PITPNM3: variants seen among roughly 807,000 people sequenced by gnomAD.
PITPNM3 encodes the protein PITPNM family member 3, also known as membrane-associated phosphatidylinositol transfer protein 3.
Under a neutral mutation model 102.0 loss-of-function variants are expected in PITPNM3, and 26 were observed. The ratio of observed to expected loss-of-function variants is 0.25; its 90% CI spans 0.19 to 0.35. The LOEUF is 0.35. PITPNM3 is among the 10% of genes least tolerant of loss of function. PITPNM3 has a pLI of 1.00. For missense variants in PITPNM3, 1,083 were observed against 1,346.1 expected (o/e 0.80, Z 3.06); for synonymous variants, 578 against 558.6 (o/e 1.03, Z -0.49).
intron 4 of PITPNM3, among the ~76,000 whole-genome samples, chr17:6,495,366 T>C (rs2150597100): frequency 6.6e-6 from 1 of 152,310 alleles, no homozygotes; most frequent in East Asian, 1.9e-4. Flanking sequence ...TTCCTGGCTT[T>C]TGTTTCCAAA....
intron 8 of PITPNM3, 59 bp from the exon 9 acceptor site, chr17:6,477,272 G>A (rs1905364032): frequency 1.9e-6 from 3 of 1,553,700 alleles, no homozygotes; most frequent in African/African-American, 1.4e-5. Context: ...AGACTCTGGG[G>A]CCTTGTCTCC....
At chr17:6,549,658 G>C (rs1910204543) in intron 1 of PITPNM3, among the ~76,000 whole-genome samples, 1 of 152,242 alleles carries the variant, frequency 6.6e-6, no homozygotes, top group East Asian at 1.9e-4. Flanking sequence ...GCAAAAGGGG[G>C]TGCAATTTAG....
chr17:6,459,254 C>T lies in PITPNM3; in HGVS notation c.2491-1532G>A, dbSNP rs577186817. 6.6e-6 allele frequency among the ~76,000 whole-genome samples: 1 copy of T among 152,262 alleles called. No homozygotes were observed. Among genetic ancestry groups the T allele is most frequent in the South Asian group, 2.1e-4 (1 of 4,822 alleles). On this transcript the variant is annotated intron_variant, in intron 18 of 19. Coordinates refer to ENST00000262483, the MANE Select transcript of PITPNM3 (RefSeq NM_031220.4). The surrounding 1 kb of genome is among the most constrained non-coding windows in gnomAD (Gnocchi z 5.0). Reference sequence around the variant, plus strand: ...TTTCCTCACAAGGTCATCTGGTGGCCAGTCTTTGTCTACTAGGCAGTTCTC... The same window carrying T: ...TTTCCTCACAAGGTCATCTGGTGGCTAGTCTTTGTCTACTAGGCAGTTCTC...
chr17:6,474,773 C>T (rs913469330), intron 9 of PITPNM3, among the ~76,000 whole-genome samples, 169 bp from the exon 10 acceptor site: 6 of 152,236 alleles, frequency 3.9e-5, no homozygotes, highest in Admixed American at 6.5e-5. Context: ...TCAGCACTGG[C>T]CACCAAGGCC....
In PITPNM3 at chr17:6,468,924, C is replaced by G. The variant is rs1011133129; in HGVS notation, c.1774-583G>C. 3.8e-4 allele frequency among the ~76,000 whole-genome samples: 58 copies of G among 152,136 alleles called. No individual in the cohort carries two copies. Among genetic ancestry groups the G allele is most frequent in the Non-Finnish European group, 7.6e-4 (52 of 68,018 alleles). ...TGCTGTCACCCCTTCCTCACCTGCC[C>G]CCTCTCCTCCACCCACTCCAGTCAG... On this transcript the variant is annotated intron_variant, in intron 13 of 19. Coordinates refer to ENST00000262483, the MANE Select transcript of PITPNM3 (RefSeq NM_031220.4). This position sits in a 1 kb window ranked among gnomAD's most constrained non-coding sequence, Gnocchi z 5.2.
intron 1 of PITPNM3, among the ~76,000 whole-genome samples, chr17:6,545,021 C>T (rs535088327): frequency 1.3e-5 from 2 of 152,280 alleles, no homozygotes; most frequent in Admixed American, 6.5e-5. Context: ...TGTCAAGCCC[C>T]GCCTCCTCCG....
chr17:6,539,433 G>A (rs1325365920), intron 1 of PITPNM3, among the ~76,000 whole-genome samples: 3 of 152,058 alleles, frequency 2.0e-5, no homozygotes, highest in South Asian at 2.1e-4. Flanking sequence ...TGACATAATT[G>A]TCTATGCAGA....
intron 2 of PITPNM3, among the ~76,000 whole-genome samples, chr17:6,529,932 A>G (rs906789446): frequency 1.7e-4 from 26 of 152,012 alleles, no homozygotes; most frequent in Admixed American, 1.7e-3. Context: ...CCCCTCCCCC[A>G]ATGGGGGAAA....
At chr17:6,511,846 G>C (rs1016425572) in intron 3 of PITPNM3, among the ~76,000 whole-genome samples, 4 of 152,118 alleles carry the variant, frequency 2.6e-5, no homozygotes, top group African/African-American at 7.2e-5. Context: ...TTAGCCATGG[G>C]GGGCAGGAGA....
intron 4 of PITPNM3, among the ~76,000 whole-genome samples, chr17:6,486,625 C>T (rs1160534971): frequency 6.6e-6 from 1 of 152,190 alleles, no homozygotes; most frequent in East Asian, 1.9e-4. Flanking sequence ...AGGGAAAACT[C>T]GTCCTGGGGC....
chr17:6,545,439 G>A (rs889859168), intron 1 of PITPNM3, among the ~76,000 whole-genome samples: 1 of 152,032 alleles, frequency 6.6e-6, no homozygotes, highest in African/African-American at 2.4e-5. Flanking sequence ...GCCCACGCTC[G>A]TGAGGCCAAT....
chr17:6,457,844 A>G lies in PITPNM3; in HGVS notation c.2491-122T>C. On this transcript the variant is annotated intron_variant, in intron 18 of 19. Coordinates refer to ENST00000262483, the MANE Select transcript of PITPNM3 (RefSeq NM_031220.4). This position sits in a 1 kb window ranked among gnomAD's most constrained non-coding sequence, Gnocchi z 4.7. ...TTTATGTGCACTCTGGTAGACTCCA[A>G]GCCATGGGGCCACCCTGTGTCAGGA... The G allele has an allele frequency of 8.8e-6, 12 of 1,370,808 alleles. No homozygotes were observed. The highest frequency in any genetic ancestry group is 1.2e-5 in the Non-Finnish European group (12 of 998,910). 84.9% of individuals were successfully genotyped at this position (1,370,808 alleles called of 1,614,324 possible).
chr17:6,499,427 C>T (rs1207939343), intron 4 of PITPNM3, among the ~76,000 whole-genome samples: 1 of 152,222 alleles, frequency 6.6e-6, no homozygotes, highest in Non-Finnish European at 1.5e-5. Context: ...CTCATGTCCT[C>T]CTCTCTGGGG....
Position 6,472,066 on chromosome 17 carries a change from G to A in PITPNM3, c.1429+591C>T, listed in dbSNP as rs1905101577. On this transcript the variant is annotated intron_variant, in intron 11 of 19. Coordinates refer to ENST00000262483, the MANE Select transcript of PITPNM3 (RefSeq NM_031220.4). The surrounding 1 kb of genome is among the most constrained non-coding windows in gnomAD (Gnocchi z 4.1). ...GTGGAGCCAAGGCTCCGATTTCCAAGCTGCTGACTGTCCATTACAGGTCTC... is the reference window on the plus strand; with the variant it reads ...GTGGAGCCAAGGCTCCGATTTCCAAACTGCTGACTGTCCATTACAGGTCTC... Among the ~76,000 whole-genome samples, 1 of 152,196 alleles carries A rather than the reference G, an allele frequency of 6.6e-6. No homozygotes were observed. Among genetic ancestry groups the A allele is most frequent in the South Asian group, 2.1e-4 (1 of 4,836 alleles).
chr17:6,520,380 A>C (rs1908438930), intron 3 of PITPNM3, among the ~76,000 whole-genome samples: 1 of 152,234 alleles, frequency 6.6e-6, no homozygotes. Context: ...AATGTCTATC[A>C]CTGCAGAATG....
At chr17:6,505,653 C>T (rs1286035031) in intron 3 of PITPNM3, among the ~76,000 whole-genome samples, 3 of 152,204 alleles carry the variant, frequency 2.0e-5, no homozygotes, top group African/African-American at 2.4e-5. Flanking sequence ...GAAACTCTGG[C>T]GTCCCTAAGA....
intron 1 of PITPNM3, among the ~76,000 whole-genome samples, chr17:6,549,424 A>G (rs1194255127): frequency 6.6e-6 from 1 of 152,148 alleles, no homozygotes; most frequent in Non-Finnish European, 1.5e-5. Context: ...GCCCTAGGAG[A>G]GCCTGGAGGA....
In PITPNM3 at chr17:6,477,023, GGC is replaced by G; in HGVS notation, c.1085+4_1085+5del. 1 of 1,613,954 alleles carries G rather than the reference GGC, an allele frequency of 6.2e-7. No homozygotes were observed. The highest frequency in any genetic ancestry group is 8.5e-7 in the Non-Finnish European group (1 of 1,179,984). ...GTCTTCTTGCTTCTGGACAGGGAGG[GGC>G]TACCTTGAGAGGAAGGCATGGTGCT... On this transcript the variant is annotated splice_donor_5th_base_variant and intron_variant, in intron 9 of 19. Coordinates refer to ENST00000262483, the MANE Select transcript of PITPNM3 (RefSeq NM_031220.4).
intron 4 of PITPNM3, among the ~76,000 whole-genome samples, chr17:6,500,332 C>T (rs893375863): frequency 2.0e-5 from 3 of 152,202 alleles, no homozygotes; most frequent in South Asian, 2.1e-4. Context: ...TAAATGCAAG[C>T]CATTGCGATT....
Sources: allele counts gnomAD v4.1 joint callset (sites outside exome capture counted in the v4.1 genomes callset), GRCh38; gene constraint gnomAD v4.1.1; non-coding constraint Gnocchi (gnomAD v3.1); transcripts MANE v1.5; gene names NCBI Gene and HGNC (gene_info 2026-07-23, HGNC 2026-07-21).